The following TANGO6 variants were observed in gnomAD, a reference collection of about 807,000 sequenced individuals.
TANGO6 encodes the protein transport and golgi organization 6 homolog.
A neutral mutation model predicts 114.2 loss-of-function variants in TANGO6; 90 were observed. That is an observed-to-expected ratio of 0.79 (90% CI 0.66 to 0.94). The LOEUF (loss-of-function observed/expected upper bound fraction) is 0.94, where lower values mean the gene tolerates loss of function less well. Ranked by LOEUF, TANGO6 falls within the 40% of genes least tolerant of loss-of-function variation. TANGO6 has a pLI of 0.00. For synonymous variants in TANGO6, 477 were observed against 509.8 expected, an observed-to-expected ratio of 0.94 and a Z score of 0.87; for missense variants, 1,274 against 1,315.3, an observed-to-expected ratio of 0.97 and a Z score of 0.49.
chr16:68,986,763 A>G (rs1963895540), intron 15 of TANGO6, among the ~76,000 whole-genome samples: 1 of 152,052 alleles, frequency 6.6e-6, no homozygotes, highest in African/African-American at 2.4e-5. Flanking sequence ...AAATTAGCCA[A>G]GAGTGATGGC....
intron 1 of TANGO6, among the ~76,000 whole-genome samples, chr16:68,855,344 G>A (rs550140391): frequency 6.6e-6 from 1 of 152,246 alleles, no homozygotes; most frequent in South Asian, 2.1e-4. Context: ...CACTTTGGGA[G>A]GCCAAGGCAG....
At chr16:68,890,201 T>C (rs1373746281) in intron 7 of TANGO6, among the ~76,000 whole-genome samples, 5 of 152,218 alleles carry the variant, frequency 3.3e-5, no homozygotes. Flanking sequence ...TTCCCACACA[T>C]GTACATCCCT....
Position 69,036,777 on chromosome 16 carries a change from A to G in TANGO6, c.2995-3531A>G, listed in dbSNP as rs182037481. 5.8e-3 allele frequency among the ~76,000 whole-genome samples: 878 copies of G among 152,254 alleles called. 8 individuals are homozygous for G. Among genetic ancestry groups the G allele is most frequent in the Non-Finnish European group, 0.01 (688 of 67,998 alleles). ...CAGGAGTTTGAGACCAGCCTGGGCA[A>G]CATGGCAAAACTCCATCTCTACAAA... On this transcript the variant is annotated intron_variant, in intron 16 of 17. Coordinates refer to ENST00000261778, the MANE Select transcript of TANGO6 (RefSeq NM_024562.2).
At chr16:69,049,666 A>T (rs779363249) in intron 17 of TANGO6, among the ~76,000 whole-genome samples, 3 of 151,554 alleles carry the variant, frequency 2.0e-5, no homozygotes, top group Non-Finnish European at 4.4e-5. Flanking sequence ...TCCTGACTTA[A>T]AGTGATCCAC....
chr16:68,922,952 T>G (rs992191039), intron 12 of TANGO6, among the ~76,000 whole-genome samples: 6 of 140,850 alleles, frequency 4.3e-5, no homozygotes, highest in Non-Finnish European at 9.3e-5. Context: ...TTTTTTTTTT[T>G]TTTTTTTTTT....
At chr16:69,028,180 G>A (rs1959536280) in intron 16 of TANGO6, among the ~76,000 whole-genome samples, 1 of 152,012 alleles carries the variant, frequency 6.6e-6, no homozygotes, top group African/African-American at 2.4e-5. Flanking sequence ...GGCTGGTCTT[G>A]AACTCTTCAC....
In TANGO6 at chr16:68,909,307, C is replaced by A; in HGVS notation, c.1897C>A (p.Leu633Ile). The A allele has an allele frequency of 1.2e-6, 2 of 1,611,186 alleles. No homozygotes were observed. The highest frequency in any genetic ancestry group is 1.1e-5 in the South Asian group (1 of 90,402). The change falls in exon 11 of 18, where the codon CTT (leucine) becomes ATT (isoleucine). Residue 633 changes from leucine (L) to isoleucine (I), a missense_variant. This residue lies in a region of TANGO6 where 908 missense variants were observed against 910.2 expected (regional missense o/e 1.00). Coordinates refer to ENST00000261778, the MANE Select transcript of TANGO6 (RefSeq NM_024562.2). ...GGAATTAGAGCAACATCAGACTCTT[C>A]TTGTGGAAGGCCAAGAGCGGAAGCT... ...LLELEQHQTL[L>I]VEGQERKLLV...
At chr16:68,866,109 A>G (rs1276876117) in intron 3 of TANGO6, among the ~76,000 whole-genome samples, 1 of 152,112 alleles carries the variant, frequency 6.6e-6, no homozygotes, top group Non-Finnish European at 1.5e-5. Flanking sequence ...GATTGTTTGC[A>G]TTAACTTTGT....
chr16:68,981,720 C>A (rs1963838569), intron 15 of TANGO6, among the ~76,000 whole-genome samples: 1 of 152,106 alleles, frequency 6.6e-6, no homozygotes, highest in African/African-American at 2.4e-5. Flanking sequence ...CTGCTGTAGA[C>A]CACACTCCTT....
chr16:68,877,288 T>C (rs370478940), intron 5 of TANGO6, among the ~76,000 whole-genome samples: 67 of 152,026 alleles, frequency 4.4e-4, no homozygotes, highest in African/African-American at 1.5e-3. Flanking sequence ...ATCAACATAG[T>C]GAAACCCCGT....
chr16:68,977,382 AT>A (rs1237916111), intron 15 of TANGO6, among the ~76,000 whole-genome samples: 67 of 150,244 alleles, frequency 4.5e-4, no homozygotes, highest in Middle Eastern at 6.8e-3. Flanking sequence ...TATTTATTTA[AT>A]TTTTTTTGTT....
chr16:68,952,771 T>C (rs1963482721), intron 14 of TANGO6, among the ~76,000 whole-genome samples: 1 of 152,106 alleles, frequency 6.6e-6, no homozygotes, highest in Non-Finnish European at 1.5e-5. Context: ...TGGGAATGAA[T>C]TGAGCCTCAG....
chr16:68,879,296 A>G (rs1962420766), intron 6 of TANGO6, among the ~76,000 whole-genome samples: 1 of 151,884 alleles, frequency 6.6e-6, no homozygotes, highest in South Asian at 2.1e-4. Flanking sequence ...AGGCTGGGTA[A>G]CATAATGAGA....
At position 68,862,931 on chromosome 16, in the gene TANGO6, C is replaced by T; in HGVS notation, c.736-14C>T. 3 of 1,541,898 alleles carry T rather than the reference C, an allele frequency of 1.9e-6. No homozygotes were observed. The highest frequency in any genetic ancestry group is 1.8e-6 in the Non-Finnish European group (2 of 1,131,204). ...GTTTGAATTCCACTAAAGCCAAGTG[C>T]ATATTTCTTTTAGGTTCTAACTGAA... is the stretch of plus-strand genomic sequence containing the variant. On this transcript the variant is annotated splice_polypyrimidine_tract_variant and intron_variant, in intron 2 of 17. Transcript: ENST00000261778.
intron 17 of TANGO6, among the ~76,000 whole-genome samples, chr16:69,055,726 AGT>A (rs1462606750): frequency 6.6e-6 from 1 of 152,240 alleles, no homozygotes; most frequent in Admixed American, 6.5e-5. Context: ...ACGTGATGTT[AGT>A]GATGGGCTTG....
At chr16:68,958,054 C>A (rs567084325) in intron 14 of TANGO6, among the ~76,000 whole-genome samples, 1 of 151,998 alleles carries the variant, frequency 6.6e-6, no homozygotes, top group Non-Finnish European at 1.5e-5. Flanking sequence ...CCCCTGTAAT[C>A]CCACCTACTT....
intron 12 of TANGO6, among the ~76,000 whole-genome samples, chr16:68,922,054 G>GT (rs959936435): frequency 6.5e-4 from 99 of 152,020 alleles, no homozygotes; most frequent in African/African-American, 2.1e-3. Flanking sequence ...ACAATATACT[G>GT]TTTTTTCCTA....
At chr16:69,000,032 C>T (rs1964026078) in intron 15 of TANGO6, among the ~76,000 whole-genome samples, 1 of 152,218 alleles carries the variant, frequency 6.6e-6, no homozygotes, top group Non-Finnish European at 1.5e-5. Context: ...AGTCTTAGGG[C>T]AGCCACAGTC....
chr16:69,038,039 G>C (rs1959718089), intron 16 of TANGO6, among the ~76,000 whole-genome samples: 2 of 152,118 alleles, frequency 1.3e-5, no homozygotes, highest in African/African-American at 4.8e-5. Context: ...GTATTTGTAC[G>C]TGTTTCTAAA....
Sources: gnomAD v4.1 joint callset for allele counts (sites outside exome capture counted in the v4.1 genomes callset) on GRCh38, gnomAD v4.1.1 for gene constraint, gnomAD v4.1.1 regional missense constraint, MANE v1.5 for transcripts, NCBI Gene and HGNC (gene_info 2026-07-23, HGNC 2026-07-21) for gene names.